Variants in SYNJ2 observed in about 807,000 individuals in gnomAD.
The protein encoded by SYNJ2 is polyphosphatidylinositol phosphatase SYNJ2.
Under a neutral mutation model 141.3 loss-of-function variants are expected in SYNJ2, and 116 were observed. That is an observed-to-expected ratio of 0.82 (90% CI 0.71 to 0.96). The LOEUF (loss-of-function observed/expected upper bound fraction) is 0.96. Among genes scored for constraint, SYNJ2 ranks in the 40% least tolerant of loss-of-function variants. The pLI is 0.00. For synonymous variants in SYNJ2, 745 were observed against 777.7 expected, an observed-to-expected ratio of 0.96 and a Z score of 0.70; for missense variants, 1,873 against 1,934.8, an observed-to-expected ratio of 0.97 and a Z score of 0.60.
In SYNJ2 at chr6:158,026,794, C is replaced by G. The variant is rs982866500; in HGVS notation, c.215-1962C>G. ...TCCTCCTGCCTCTCCGAGGGCACTT[C>G]TGCTGAACTGTGCTTTTCCCTGCAC... On this transcript the variant is annotated intron_variant, in intron 2 of 26. Transcript: ENST00000355585. 1.5e-5 allele frequency: 15 copies of G among 983,876 alleles called. No homozygotes were observed. The African/African-American group carries it at 2.6e-4, about 17-fold the overall frequency. The allele number at this position is 983,876 out of a possible 1,614,324, so 60.9% of individuals were successfully genotyped here.
chr6:158,088,587 C>A, intron 23 of SYNJ2, 73 bp from the exon 24 acceptor site: 1 of 1,124,714 alleles, frequency 8.9e-7, no homozygotes, highest in South Asian at 1.3e-5. Context: ...CTCGTCTAGT[C>A]GGGCTCCTGG....
At chr6:158,082,070 G>A (rs1456785174) in intron 20 of SYNJ2, among the ~76,000 whole-genome samples, 1 of 152,142 alleles carries the variant, frequency 6.6e-6, no homozygotes, top group Admixed American at 6.5e-5. Flanking sequence ...CGGAAGGGTG[G>A]GCGCAGTGGC....
In SYNJ2 at chr6:157,982,746, C is replaced by T. The variant is rs1224860742; in HGVS notation, c.127+658C>T. Among the ~76,000 whole-genome samples, 2 of 152,218 alleles carry T rather than the reference C, an allele frequency of 1.3e-5. No homozygotes were observed. The highest frequency in any genetic ancestry group is 4.8e-5 in the African/African-American group (2 of 41,458). ...TTAGTACGTGATCTCACTTAATTCT[C>T]ACAATTCTACTAAAAAGCTATTATT... is the stretch of plus-strand genomic sequence containing the variant. On this transcript the variant is annotated intron_variant, in intron 1 of 26. Transcript: ENST00000355585. This position sits in a 1 kb window ranked among gnomAD's most constrained non-coding sequence, Gnocchi z 4.0.
In SYNJ2 at chr6:158,067,686, C is replaced by T. The variant is rs1049450986; in HGVS notation, c.1718-961C>T. On this transcript the variant is annotated intron_variant, in intron 12 of 26. Transcript: ENST00000355585. ...CCATGTGTACATTCATGCCCCACAG[C>T]TGCCTGGGTAGTACCCAGAGCCCCA... The T allele has an allele frequency of 1.3e-5, 13 of 985,312 alleles. No homozygotes were observed. In the South Asian group the frequency reaches 3.8e-4, roughly 28 times the overall value. 61.0% of individuals were successfully genotyped at this position (985,312 alleles called of 1,614,324 possible).
intron 15 of SYNJ2, among the ~76,000 whole-genome samples, chr6:158,072,743 A>C (rs1040776447): frequency 1.4e-4 from 21 of 152,068 alleles, no homozygotes; most frequent in Non-Finnish European, 2.9e-4. Flanking sequence ...AGTTTAAAAA[A>C]AAAAAAAAAG....
At chr6:158,050,722 A>G (rs556514063) in intron 5 of SYNJ2, among the ~76,000 whole-genome samples, 1 of 152,300 alleles carries the variant, frequency 6.6e-6, no homozygotes, top group East Asian at 1.9e-4. Context: ...AGGGGACCCC[A>G]TCAAAGGCAG....
chr6:158,029,726 G>GT (rs1562338415), intron 3 of SYNJ2, among the ~76,000 whole-genome samples: 2 of 152,102 alleles, frequency 1.3e-5, no homozygotes, highest in Admixed American at 1.3e-4. Flanking sequence ...GTGTGCAGCC[G>GT]TTTACCGCTG....
At chr6:157,985,116 G>A (rs1777152475) in intron 1 of SYNJ2, among the ~76,000 whole-genome samples, 1 of 152,234 alleles carries the variant, frequency 6.6e-6, no homozygotes, top group Non-Finnish European at 1.5e-5. Flanking sequence ...CTCGCCGAAG[G>A]GGCTGGGTGG....
intron 5 of SYNJ2, among the ~76,000 whole-genome samples, chr6:158,046,356 A>G (rs774367067): frequency 2.0e-5 from 3 of 152,174 alleles, no homozygotes; most frequent in Non-Finnish European, 2.9e-5. Context: ...AACACCACTC[A>G]TCATCAAAGA....
chr6:157,989,427 A>AATATATATATATATATAT (rs34948131), intron 1 of SYNJ2, among the ~76,000 whole-genome samples: 4 of 96,300 alleles, frequency 4.2e-5, no homozygotes, highest in Admixed American at 1.2e-4. Flanking sequence ...TAAAAAAATG[A>AATATATATATATATATAT]ATATATATAT....
rs1316721004 is a variant in SYNJ2, at chr6:158,027,259, C to CTGTA, written c.215-1496_215-1493dup. On this transcript the variant is annotated intron_variant, in intron 2 of 26. Coordinates refer to ENST00000355585, the MANE Select transcript of SYNJ2 (RefSeq NM_003898.4). The surrounding 1 kb of genome is among the most constrained non-coding windows in gnomAD (Gnocchi z 4.6). ...GATCAGAACCATCTCCAGACCATGG[C>CTGTA]TGTAGACAGCGGCCCTTGATCATTC... 3 of 936,200 alleles carry CTGTA rather than the reference C, an allele frequency of 3.2e-6. No individual in the cohort carries two copies. Among genetic ancestry groups the CTGTA allele is most frequent in the Non-Finnish European group, 3.8e-6 (3 of 785,330 alleles). The allele number at this position is 936,200 out of a possible 1,614,324, so 58.0% of individuals were successfully genotyped here.
At chr6:158,090,952 T>C (rs1239286828) in intron 25 of SYNJ2, among the ~76,000 whole-genome samples, 1 of 152,160 alleles carries the variant, frequency 6.6e-6, no homozygotes, top group Non-Finnish European at 1.5e-5. Context: ...GGGGCATGAG[T>C]TAAAAGGTCG....
intron 1 of SYNJ2, among the ~76,000 whole-genome samples, chr6:157,984,483 C>G (rs1170457871): frequency 6.6e-6 from 1 of 152,060 alleles, no homozygotes; most frequent in Non-Finnish European, 1.5e-5. Flanking sequence ...ACTGCAACAC[C>G]GCCACCCCCA....
At chr6:158,004,359 G>T (rs1777971620) in intron 1 of SYNJ2, among the ~76,000 whole-genome samples, 1 of 152,132 alleles carries the variant, frequency 6.6e-6, no homozygotes, top group South Asian at 2.1e-4. Flanking sequence ...AACCAAGATG[G>T]CAATGAAAGT....
At chr6:158,030,399 C>G (rs1393930834) in intron 3 of SYNJ2, 1 of 152,700 alleles carries the variant, frequency 6.5e-6, no homozygotes, top group East Asian at 1.9e-4. Context: ...GCCTCTCTCC[C>G]TTTGCCAGAG....
chr6:157,982,558 G>A lies in SYNJ2; in HGVS notation c.127+470G>A, dbSNP rs1251686113. Among the ~76,000 whole-genome samples the A allele has an allele frequency of 6.6e-6, 1 of 152,234 alleles. No homozygotes were observed. Among genetic ancestry groups the A allele is most frequent in the Non-Finnish European group, 1.5e-5 (1 of 68,042 alleles). On this transcript the variant is annotated intron_variant, in intron 1 of 26. Coordinates refer to ENST00000355585, the MANE Select transcript of SYNJ2 (RefSeq NM_003898.4). The surrounding 1 kb of genome is among the most constrained non-coding windows in gnomAD (Gnocchi z 4.0). ...GGCTCTGGAGAAACCGCTGATGGCA[G>A]CTTTGTCCCACGTAAATACTTGGTC...
intron 21 of SYNJ2, 50 bp downstream of exon 21, chr6:158,083,647 G>C: frequency 6.2e-7 from 1 of 1,608,744 alleles, no homozygotes; most frequent in East Asian, 2.2e-5. Context: ...CTAGCAACAG[G>C]CCTGAGCTTT....
chr6:158,098,940 G>A lies in SYNJ2; in HGVS notation c.*2576G>A, dbSNP rs576622085. 3.9e-5 allele frequency: 6 copies of A among 152,110 alleles called. No individual in the cohort carries two copies. The highest frequency in any genetic ancestry group is 1.4e-4 in the African/African-American group (6 of 41,412). The allele number at this position is 152,110 out of a possible 1,614,324, so 9.4% of individuals were successfully genotyped here. A position where few individuals can be genotyped will look rare whatever the true frequency, so the allele number is the denominator to read the frequency against. ...CATCAGCTTAAGCAATTCCTGTAAC[G>A]GTTTAACGTTGTTGAAGTTCAAGGC... On this transcript the variant is annotated 3_prime_UTR_variant, in exon 27 of 27. Transcript: ENST00000355585.
intron 14 of SYNJ2, 78 bp downstream of exon 14, chr6:158,069,751 C>T: frequency 6.9e-7 from 1 of 1,441,854 alleles, no homozygotes; most frequent in Non-Finnish European, 9.3e-7. Flanking sequence ...ACTTCCCCCT[C>T]CTCCCCCATC....
Sources: allele counts gnomAD v4.1 joint callset (sites outside exome capture counted in the v4.1 genomes callset), GRCh38; gene constraint gnomAD v4.1.1; non-coding constraint Gnocchi (gnomAD v3.1); transcripts MANE v1.5; gene names NCBI Gene and HGNC (gene_info 2026-07-23, HGNC 2026-07-21).